UQCC1: variants seen among roughly 807,000 people sequenced by gnomAD.
UQCC1 encodes bFGF-repressed Zic-binding protein.
In UQCC1, 38 loss-of-function variants were observed where a neutral mutation model predicts 48.0. The observed-to-expected ratio is 0.79, with a 90% confidence interval of 0.61 to 1.04. The LOEUF is 1.04. Ranked by LOEUF, UQCC1 falls within the 50% of genes least tolerant of loss-of-function variation. The pLI is 0.00. For missense variants in UQCC1, 368 were observed against 381.8 expected, an observed-to-expected ratio of 0.96 and a Z score of 0.30; for synonymous variants, 111 against 129.2, an observed-to-expected ratio of 0.86 and a Z score of 0.95.
intron 7 of UQCC1, among the ~76,000 whole-genome samples, chr20:35,341,884 A>T (rs1351676404): frequency 6.6e-6 from 1 of 152,202 alleles, no homozygotes; most frequent in East Asian, 1.9e-4. Context: ...GTGCTTACTA[A>T]GTGCCAGGCA....
intron 2 of UQCC1, among the ~76,000 whole-genome samples, chr20:35,389,552 G>T (rs2061988791): frequency 6.6e-6 from 1 of 151,506 alleles, no homozygotes; most frequent in Non-Finnish European, 1.5e-5. Context: ...GAGAGAGTGA[G>T]ACTCCGTCTC....
chr20:35,304,023 C>T lies in UQCC1; in HGVS notation c.812G>A (p.Gly271Glu). The change falls in exon 10 of 10, where the codon GGG becomes GAG. Residue 271 changes from glycine to glutamate, a missense_variant. Coordinates refer to ENST00000374385, the MANE Select transcript of UQCC1 (RefSeq NM_018244.5). ...SMNGEDLLLTGEVSWRPLVEK... is the reference protein window; with the variant it reads ...SMNGEDLLLTEEVSWRPLVEK... ...CACTAGAGGGCGCCAGCTCACCTCCCCTGTCAGAAGCAGATCCTCCCCGTT... is the reference window on the plus strand; with the variant it reads ...CACTAGAGGGCGCCAGCTCACCTCCTCTGTCAGAAGCAGATCCTCCCCGTT... 6.2e-7 allele frequency: 1 copy of T among 1,614,144 alleles called. No homozygotes were observed. The highest frequency in any genetic ancestry group is 1.7e-5 in the Admixed American group (1 of 60,024).
chr20:35,308,141 C>T (rs2060949035), intron 8 of UQCC1, among the ~76,000 whole-genome samples: 1 of 152,252 alleles, frequency 6.6e-6, no homozygotes, highest in Non-Finnish European at 1.5e-5. Context: ...TCCAGGCCTG[C>T]TGCCAACAAG....
At chr20:35,352,339 AAATGACTTGCTAAG>A (rs1186916009) in intron 6 of UQCC1, among the ~76,000 whole-genome samples, 3 of 152,242 alleles carry the variant, frequency 2.0e-5, no homozygotes, top group African/African-American at 7.2e-5. Flanking sequence ...AAGAGCTTTG[AAATGACTTGCTAAG>A]AAAAAGTATG....
intron 7 of UQCC1, among the ~76,000 whole-genome samples, chr20:35,342,097 G>A (rs748818649): frequency 1.4e-4 from 22 of 152,188 alleles, no homozygotes; most frequent in Admixed American, 3.3e-4. Flanking sequence ...CCATCAAGCA[G>A]CTCTGCTAGA....
chr20:35,305,712 C>T (rs1483411675), intron 9 of UQCC1, among the ~76,000 whole-genome samples: 1 of 152,256 alleles, frequency 6.6e-6, no homozygotes, highest in Non-Finnish European at 1.5e-5. Flanking sequence ...CCTATGGGCC[C>T]TGTCTTCTCA....
At chr20:35,338,880 A>ATATATATATAT (rs1568666082) in intron 7 of UQCC1, among the ~76,000 whole-genome samples, 1 of 60,496 alleles carries the variant, frequency 1.7e-5, no homozygotes, top group African/African-American at 2.2e-4. Context: ...AAAAAAAAAA[A>ATATATATATAT]AAAAAAAAAA....
At chr20:35,383,665 C>A (rs1347494433) in intron 3 of UQCC1, among the ~76,000 whole-genome samples, 3 of 152,016 alleles carry the variant, frequency 2.0e-5, no homozygotes, top group Non-Finnish European at 4.4e-5. Context: ...ACCTAGGTAA[C>A]AAAACGAGAC....
chr20:35,402,557 G>A (rs1407521936), intron 1 of UQCC1, among the ~76,000 whole-genome samples: 4 of 150,146 alleles, frequency 2.7e-5, no homozygotes, highest in Non-Finnish European at 5.9e-5. Flanking sequence ...TAGCCTGGGC[G>A]ACAGAGCGAG....
At chr20:35,384,648 T>A (rs1254729835) in intron 2 of UQCC1, 20 of 383,680 alleles carry the variant, frequency 5.2e-5, no homozygotes, top group Admixed American at 1.5e-4. Context: ...ACCCTGTCTG[T>A]AAAAAAAAAA....
intron 7 of UQCC1, 116 bp from the exon 8 acceptor site, chr20:35,314,881 A>G (rs1189132413): frequency 1.4e-6 from 1 of 697,226 alleles, no homozygotes; most frequent in Admixed American, 2.7e-5. Context: ...GACGGCCACT[A>G]ACAAGTCAAG....
intron 6 of UQCC1, among the ~76,000 whole-genome samples, chr20:35,356,169 G>A (rs1002779630): frequency 7.2e-5 from 11 of 152,164 alleles, no homozygotes; most frequent in African/African-American, 1.7e-4. Context: ...GATTATAGGC[G>A]TGAGCCACCA....
chr20:35,330,522 T>C (rs1003753304), intron 7 of UQCC1, among the ~76,000 whole-genome samples: 2 of 152,168 alleles, frequency 1.3e-5, no homozygotes, highest in Non-Finnish European at 1.5e-5. Context: ...CTAAAATTCC[T>C]TTACATAGTT....
intron 2 of UQCC1, among the ~76,000 whole-genome samples, chr20:35,386,876 T>C (rs965686329): frequency 1.3e-5 from 2 of 152,054 alleles, no homozygotes; most frequent in Non-Finnish European, 2.9e-5. Flanking sequence ...TACACACTTA[T>C]AAACACACAC....
Position 35,303,925 on chromosome 20 carries a change from G to GC in UQCC1, c.*9dup. On this transcript the variant is annotated 3_prime_UTR_variant, in exon 10 of 10. Transcript: ENST00000374385. ...AGCCAGCTGGCGGGCCGTGCGGAGG[G>GC]CCCAGCCCATCAAAGTCCCTCGTCG... 1 of 1,614,166 alleles carries GC rather than the reference G, an allele frequency of 6.2e-7. No homozygotes were observed. Among genetic ancestry groups the GC allele is most frequent in the Non-Finnish European group, 8.5e-7 (1 of 1,179,992 alleles).
chr20:35,353,615 A>G (rs1032758782), intron 6 of UQCC1, among the ~76,000 whole-genome samples: 1 of 151,790 alleles, frequency 6.6e-6, no homozygotes, highest in Admixed American at 6.6e-5. Flanking sequence ...ACAAAGTAAG[A>G]CCCCACCTCT....
intron 2 of UQCC1, among the ~76,000 whole-genome samples, chr20:35,393,532 A>T (rs2062037923): frequency 7.0e-6 from 1 of 142,212 alleles, no homozygotes; most frequent in East Asian, 2.2e-4. Context: ...ACACACACAC[A>T]CAGGCTGAAA....
intron 3 of UQCC1, among the ~76,000 whole-genome samples, 176 bp from the exon 4 acceptor site, chr20:35,382,201 G>GCT (rs1429267023): frequency 2.0e-5 from 3 of 151,944 alleles, no homozygotes; most frequent in African/African-American, 7.3e-5. Context: ...CAAACTTCTG[G>GCT]GCTCAAGTGA....
At chr20:35,350,858 T>C (rs932331137) in intron 6 of UQCC1, among the ~76,000 whole-genome samples, 1 of 151,892 alleles carries the variant, frequency 6.6e-6, no homozygotes, top group Non-Finnish European at 1.5e-5. Flanking sequence ...CTGACCAACA[T>C]GGTGAAACCC....
Sources: gnomAD v4.1 joint callset for allele counts (sites outside exome capture counted in the v4.1 genomes callset) on GRCh38, gnomAD v4.1.1 for gene constraint, MANE v1.5 for transcripts, NCBI Gene and HGNC (gene_info 2026-07-23, HGNC 2026-07-21) for gene names.